The following SLC4A10 variants were observed in gnomAD, a reference collection of about 807,000 sequenced individuals.
SLC4A10 encodes sodium-driven chloride bicarbonate exchanger.
A neutral mutation model predicts 137.7 loss-of-function variants in SLC4A10; 42 were observed. That is an observed-to-expected ratio of 0.30 (90% CI 0.24 to 0.39). SLC4A10 has a LOEUF of 0.39. SLC4A10 is among the 10% of genes least tolerant of loss of function. The probability of loss-of-function intolerance (pLI) is 1.00; values close to 1 mark genes in which losing one functional copy is unlikely to be tolerated. For synonymous variants in SLC4A10, 474 were observed against 464.1 expected (o/e 1.02, Z -0.27); for missense variants, 925 against 1,355.0 (o/e 0.68, Z 4.98).
intron 16 of SLC4A10, among the ~76,000 whole-genome samples, chr2:161,947,170 A>C (rs1693971885): frequency 1.3e-5 from 2 of 152,110 alleles, no homozygotes; most frequent in African/African-American, 4.8e-5. Flanking sequence ...TTGGTGTGAA[A>C]AGTAATTTAA....
At chr2:161,681,818 T>C (rs543726492) in intron 1 of SLC4A10, among the ~76,000 whole-genome samples, 2 of 152,272 alleles carry the variant, frequency 1.3e-5, no homozygotes, top group East Asian at 3.9e-4. Context: ...AACCTAATTG[T>C]GGGAAAATGG....
At chr2:161,657,909 T>C (rs1436520002) in intron 1 of SLC4A10, among the ~76,000 whole-genome samples, 2 of 152,094 alleles carry the variant, frequency 1.3e-5, no homozygotes, top group Non-Finnish European at 2.9e-5. Context: ...AATAGACCAA[T>C]ATGCAATTAT....
In SLC4A10 at chr2:161,855,110, A is replaced by G. The variant is rs537192317; in HGVS notation, c.557A>G (p.Asn186Ser). 1.9e-6 allele frequency: 3 copies of G among 1,609,960 alleles called. No individual in the cohort carries two copies. Among genetic ancestry groups the G allele is most frequent in the South Asian group, 2.2e-5 (2 of 90,256 alleles). Residue 186 changes from asparagine (N) to serine (S), a missense_variant, in exon 5 of 27, where the codon AAC (asparagine) becomes AGC (serine). Transcript: ENST00000446997. ...ACTGTGTTGCTGGACATGCATGCCA[A>G]CACTTTAGAAGAAATTGCAGGTATA... ...NGTVLLDMHANTLEEIADMVL... is the reference protein window; with the variant it reads ...NGTVLLDMHASTLEEIADMVL...
At chr2:161,960,755 T>G (rs1410192120) in intron 21 of SLC4A10, among the ~76,000 whole-genome samples, 1 of 150,642 alleles carries the variant, frequency 6.6e-6, no homozygotes, top group Non-Finnish European at 1.5e-5. Flanking sequence ...AGAAAGAGAT[T>G]AGAGTTTTGT....
chr2:161,706,715 A>G (rs916211260), intron 1 of SLC4A10, among the ~76,000 whole-genome samples: 6 of 151,382 alleles, frequency 4.0e-5, no homozygotes, highest in African/African-American at 7.3e-5. Context: ...CTCACTTCTC[A>G]TCTCTTCCCT....
intron 1 of SLC4A10, among the ~76,000 whole-genome samples, chr2:161,662,822 A>G (rs1028678688): frequency 6.6e-6 from 1 of 152,210 alleles, no homozygotes; most frequent in Admixed American, 6.5e-5. Context: ...AACCATTGCT[A>G]TATCTGTATG....
At chr2:161,717,973 T>C (rs1385915672) in intron 1 of SLC4A10, among the ~76,000 whole-genome samples, 1 of 152,124 alleles carries the variant, frequency 6.6e-6, no homozygotes, top group Non-Finnish European at 1.5e-5. Context: ...TCAGAACTTG[T>C]TATTGGTTAT....
rs983818245 is a variant in SLC4A10, at chr2:161,941,313, G to A, written c.1998-1479G>A. Among the ~76,000 whole-genome samples, 8 of 152,224 alleles carry A rather than the reference G, an allele frequency of 5.3e-5. No individual in the cohort carries two copies. The East Asian group carries it at 7.7e-4, about 15-fold the overall frequency. Reference sequence around the variant, plus strand: ...AAGGGAGTATCACAACCTGCAAGTGGGAAATGGAGCCTCTGGTTAAAACTG... The same window carrying A: ...AAGGGAGTATCACAACCTGCAAGTGAGAAATGGAGCCTCTGGTTAAAACTG... On this transcript the variant is annotated intron_variant, in intron 15 of 26. Coordinates refer to ENST00000446997, the MANE Select transcript of SLC4A10 (RefSeq NM_001178015.2).
chr2:161,768,483 T>A (rs958917978), intron 1 of SLC4A10, among the ~76,000 whole-genome samples: 1 of 152,032 alleles, frequency 6.6e-6, no homozygotes, highest in Non-Finnish European at 1.5e-5. Context: ...TGTAGCAAGA[T>A]CCTTTCTCTA....
At chr2:161,974,393 G>C in intron 24 of SLC4A10, 77 bp downstream of exon 24, 1 of 1,180,332 alleles carries the variant, frequency 8.5e-7, no homozygotes, top group South Asian at 1.7e-5. Context: ...TTCATACTGT[G>C]TAGATCCTCA....
At chr2:161,910,191 T>C (rs1685497387) in intron 15 of SLC4A10, among the ~76,000 whole-genome samples, 1 of 152,156 alleles carries the variant, frequency 6.6e-6, no homozygotes, top group African/African-American at 2.4e-5. Flanking sequence ...AAATTCATAG[T>C]GTATCAACCA....
At chr2:161,886,239 C>G (rs10190968) in intron 10 of SLC4A10, among the ~76,000 whole-genome samples, 51,190 of 152,080 alleles carry the variant, frequency 0.34, 10,841 homozygotes, top group Non-Finnish European at 0.49. Flanking sequence ...AGTTTCCTCT[C>G]TCTTCTAGAT....
At chr2:161,859,594 C>CTTTTTTTTTTTTTTTTTTTTTTTTTTT (rs72003642) in intron 5 of SLC4A10, among the ~76,000 whole-genome samples, 3 of 47,288 alleles carry the variant, frequency 6.3e-5, no homozygotes, top group Admixed American at 3.5e-4. Context: ...CTTTTCTTTT[C>CTTTTTTTTTTTTTTTTTTTTTTTTTTT]TTTTTTTTTT....
Position 161,872,489 on chromosome 2 carries a change from TCTTGTCAAAG to T in SLC4A10, c.858+110_858+119del, listed in dbSNP as rs2061192135. On this transcript the variant is annotated intron_variant, in intron 7 of 26. Transcript: ENST00000446997. ...CAATATTTTGCATGCGCTTTTTGTTTCTTGTCAAAGCTTGATATTGTTACAGAAAATGTTA... is the reference window on the plus strand; with the variant it reads ...CAATATTTTGCATGCGCTTTTTGTTTCTTGATATTGTTACAGAAAATGTTA... 7 of 819,616 alleles carry T rather than the reference TCTTGTCAAAG, an allele frequency of 8.5e-6. No individual in the cohort carries two copies. In the South Asian group the frequency reaches 1.3e-4, roughly 15 times the overall value. 50.8% of individuals were successfully genotyped at this position (819,616 alleles called of 1,614,324 possible).
At chr2:161,718,720 T>C (rs1294109316) in intron 1 of SLC4A10, among the ~76,000 whole-genome samples, 1 of 152,138 alleles carries the variant, frequency 6.6e-6, no homozygotes, top group African/African-American at 2.4e-5. Context: ...TCCACTTATG[T>C]GATCAGTTTT....
rs140383319 is a variant in SLC4A10, at chr2:161,825,949, T to G, written c.278-13840T>G. On this transcript the variant is annotated intron_variant, in intron 3 of 26. Transcript: ENST00000446997. Reference sequence around the variant, plus strand: ...TGCAAATTCTGCATATAATCTTATATCCCATGTGGAAATAAATATCTGTTC... The same window carrying G: ...TGCAAATTCTGCATATAATCTTATAGCCCATGTGGAAATAAATATCTGTTC... Among the ~76,000 whole-genome samples, 485 of 152,330 alleles carry G rather than the reference T, an allele frequency of 3.2e-3. 4 individuals are homozygous for G. The highest frequency in any genetic ancestry group is 0.011 in the African/African-American group (457 of 41,566).
At chr2:161,794,712 T>A (rs575162797) in intron 2 of SLC4A10, among the ~76,000 whole-genome samples, 2 of 152,278 alleles carry the variant, frequency 1.3e-5, no homozygotes, top group East Asian at 3.9e-4. Flanking sequence ...GTTCTAATAA[T>A]CCTCCTGCTC....
chr2:161,965,430 T>C (rs1186041560), intron 23 of SLC4A10, among the ~76,000 whole-genome samples: 2 of 152,146 alleles, frequency 1.3e-5, no homozygotes, highest in African/African-American at 4.8e-5. Context: ...ACCCTCCAAA[T>C]TGTAAGGCTC....
chr2:161,774,745 A>G (rs553323247), intron 2 of SLC4A10, among the ~76,000 whole-genome samples: 1 of 151,998 alleles, frequency 6.6e-6, no homozygotes, highest in East Asian at 1.9e-4. Flanking sequence ...TGAGACGTCT[A>G]CTGCAATTGC....
Sources: gnomAD v4.1 joint callset for allele counts (sites outside exome capture counted in the v4.1 genomes callset) on GRCh38, gnomAD v4.1.1 for gene constraint, MANE v1.5 for transcripts, NCBI Gene and HGNC (gene_info 2026-07-23, HGNC 2026-07-21) for gene names.